Variants in RAB13 observed in about 807,000 individuals in gnomAD.
The protein encoded by RAB13 is RAB13, member RAS oncogene family.
Under a neutral mutation model 29.3 loss-of-function variants are expected in RAB13, and 15 were observed. That is an observed-to-expected ratio of 0.51 (90% confidence interval 0.34 to 0.79). RAB13 has a LOEUF of 0.79. Ranked by LOEUF, RAB13 falls within the 30% of genes least tolerant of loss-of-function variation. The pLI is 0.01. For missense variants in RAB13, 186 were observed against 255.5 expected (o/e 0.73, Z 1.85); for synonymous variants, 82 against 93.8 (o/e 0.87, Z 0.73).
rs1164440344 is a variant in RAB13, at chr1:153,983,211, G to T, written c.324+8C>A. ...CCAGTTTCCCCATCTCTTTTGGAGG[G>T]TCCTCACCTCCTTGATGCTTTTCAT... On this transcript the variant is annotated splice_region_variant and intron_variant, in intron 4 of 7. Transcript: ENST00000368575. The T allele has an allele frequency of 6.2e-7, 1 of 1,608,990 alleles. No individual in the cohort carries two copies. The highest frequency in any genetic ancestry group is 2.2e-5 in the East Asian group (1 of 44,856).
chr1:153,988,170 T>A (rs1253409240), upstream of RAB13, among the ~76,000 whole-genome samples: 1 of 151,712 alleles, frequency 6.6e-6, no homozygotes. Context: ...AATTTTTGTA[T>A]TTTTAGTAGA....
rs1649051052 is a variant in RAB13, at chr1:153,983,199, C to A, written c.324+20G>T. 6.2e-7 allele frequency: 1 copy of A among 1,601,430 alleles called. No individual in the cohort carries two copies. The highest frequency in any genetic ancestry group is 1.3e-5 in the African/African-American group (1 of 74,604). ...TCCAGGTTCTAACCAGTTTCCCCAT[C>A]TCTTTTGGAGGGTCCTCACCTCCTT... On this transcript the variant is annotated intron_variant, in intron 4 of 7. Transcript: ENST00000368575.
upstream of RAB13, among the ~76,000 whole-genome samples, chr1:153,987,704 C>T (rs1302210109): frequency 1.4e-5 from 2 of 145,050 alleles, no homozygotes; most frequent in African/African-American, 5.1e-5. Context: ...CTTTGGGAGG[C>T]CAACGTGAGA....
chr1:153,987,774 CAAAAAAAAA>C (rs60689643), upstream of RAB13, among the ~76,000 whole-genome samples: 8 of 54,316 alleles, frequency 1.5e-4, no homozygotes, highest in East Asian at 4.5e-4. Flanking sequence ...ACTGCTTCGA[CAAAAAAAAA>C]AAAAAAAAAA....
At chr1:153,984,093 C>A (rs922350057) in intron 2 of RAB13, among the ~76,000 whole-genome samples, 1 of 148,628 alleles carries the variant, frequency 6.7e-6, no homozygotes, top group Non-Finnish European at 1.5e-5. Context: ...CGGAGAATCA[C>A]TTGAACCCAG....
chr1:153,982,608 G>T lies in RAB13; in HGVS notation c.415-8C>A. 1 of 1,613,178 alleles carries T rather than the reference G, an allele frequency of 6.2e-7. No homozygotes were observed. Among genetic ancestry groups the T allele is most frequent in the Non-Finnish European group, 8.5e-7 (1 of 1,179,152 alleles). Reference sequence around the variant, plus strand: ...TCCATGCTCTCGAGCCAACTATAAGGGGTGAAGTGGGAAGAGAATTGAATT... The same window carrying T: ...TCCATGCTCTCGAGCCAACTATAAGTGGTGAAGTGGGAAGAGAATTGAATT... On this transcript the variant is annotated splice_polypyrimidine_tract_variant and splice_region_variant and intron_variant, in intron 5 of 7. Coordinates refer to ENST00000368575, the MANE Select transcript of RAB13 (RefSeq NM_002870.5).
chr1:153,982,812 G>C lies in RAB13; in HGVS notation c.325-4C>G. ...GCTCCACCCCAGCCGAGGCATTCTG[G>C]GGGCAAAAGACAAGTAAAAGTTAGG... On this transcript the variant is annotated splice_region_variant and splice_polypyrimidine_tract_variant and intron_variant, in intron 4 of 7. Transcript: ENST00000368575. The C allele has an allele frequency of 6.2e-7, 1 of 1,614,066 alleles. No individual in the cohort carries two copies.
chr1:153,981,759 C>T lies in RAB13; in HGVS notation c.*340G>A. 1 of 327,162 alleles carries T rather than the reference C, an allele frequency of 3.1e-6. No individual in the cohort carries two copies. The highest frequency in any genetic ancestry group is 4.5e-5 in the Admixed American group (1 of 22,244). The allele number at this position is 327,162 out of a possible 1,614,324, so 20.3% of individuals were successfully genotyped here. A position where few individuals can be genotyped will look rare whatever the true frequency, so the allele number is the denominator to read the frequency against. The stretch of plus-strand genomic sequence containing the variant: ...CTAGCCTTTTGCAGGACCCTAAAAC[C>T]TGATCTAGTAACAGAATAAATCAGT... On this transcript the variant is annotated 3_prime_UTR_variant, in exon 8 of 8. Transcript: ENST00000368575.
chr1:153,985,563 CT>C (rs1191509371), intron 1 of RAB13, among the ~76,000 whole-genome samples: 2 of 152,144 alleles, frequency 1.3e-5, no homozygotes, highest in Non-Finnish European at 2.9e-5. Context: ...GATCACAGTC[CT>C]TGGGCCACCC....
At chr1:153,990,395 G>C (rs1298007062), upstream of RAB13, among the ~76,000 whole-genome samples, 1 of 152,188 alleles carries the variant, frequency 6.6e-6, no homozygotes, top group Non-Finnish European at 1.5e-5. Context: ...AATAGAAAAA[G>C]AGTTAAGAAT....
chr1:153,988,422 T>C (rs1488212944), upstream of RAB13, among the ~76,000 whole-genome samples: 2 of 147,100 alleles, frequency 1.4e-5, no homozygotes, highest in African/African-American at 4.9e-5. Flanking sequence ...GCCTCCTGAG[T>C]AGCTGGGACT....
At chr1:153,990,665 C>A (rs1287865191), upstream of RAB13, 4 of 1,238,184 alleles carry the variant, frequency 3.2e-6, no homozygotes, top group South Asian at 2.4e-5. Flanking sequence ...CCCACTGCGG[C>A]GGATCAAAGT....
chr1:153,983,127 A>C (rs1649048517), intron 4 of RAB13, 92 bp downstream of exon 4: 6 of 1,140,456 alleles, frequency 5.3e-6, no homozygotes, highest in Non-Finnish European at 7.8e-6. Context: ...CTTCATCTCA[A>C]AAAAAAAAAA....
At chr1:153,989,666 G>A (rs921541399), upstream of RAB13, among the ~76,000 whole-genome samples, 1 of 151,974 alleles carries the variant, frequency 6.6e-6, no homozygotes, top group Non-Finnish European at 1.5e-5. Context: ...ACCGAGGCAG[G>A]TGGATCACGT....
chr1:153,983,150 C>G, intron 4 of RAB13, 69 bp downstream of exon 4: 3 of 1,393,422 alleles, frequency 2.2e-6, no homozygotes, highest in Non-Finnish European at 3.1e-6. Context: ...TAGGTCTTGC[C>G]TATCCTGATG....
chr1:153,987,807 C>T (rs1302357418), upstream of RAB13, among the ~76,000 whole-genome samples: 1 of 144,096 alleles, frequency 6.9e-6, no homozygotes, highest in Non-Finnish European at 1.5e-5. Context: ...AAAAATTAGC[C>T]ATACATGGTG....
intron 6 of RAB13, 38 bp from the exon 7 acceptor site, chr1:153,982,482 A>G: frequency 6.2e-7 from 1 of 1,608,022 alleles, no homozygotes; most frequent in Admixed American, 1.7e-5. Context: ...AGGGAGGAGA[A>G]TCTACCTTCT....
At chr1:153,989,087 A>ATTT (rs778109310), upstream of RAB13, among the ~76,000 whole-genome samples, 2 of 96,368 alleles carry the variant, frequency 2.1e-5, no homozygotes, top group Admixed American at 1.1e-4. Context: ...GCCCAGCTAA[A>ATTT]TTTTTTTTTT....
chr1:153,987,022 T>C (rs368984937), upstream of RAB13, among the ~76,000 whole-genome samples: 27 of 152,310 alleles, frequency 1.8e-4, no homozygotes, highest in South Asian at 3.9e-3. Context: ...ATCTCTCTTA[T>C]GGGGACCCAT....
Sources: gnomAD v4.1 joint callset for allele counts (sites outside exome capture counted in the v4.1 genomes callset) on GRCh38, gnomAD v4.1.1 for gene constraint, MANE v1.5 for transcripts, NCBI Gene and HGNC (gene_info 2026-07-23, HGNC 2026-07-21) for gene names.